The following HECW1 variants were observed in gnomAD, a reference collection of about 807,000 sequenced individuals.
HECW1 encodes E3 ubiquitin-protein ligase HECW1.
In HECW1, 61 loss-of-function variants were observed where a neutral mutation model predicts 182.3. That is an observed-to-expected ratio of 0.33 (90% CI 0.27 to 0.41). HECW1 has a LOEUF of 0.41. HECW1 is among the 10% of genes least tolerant of loss of function. The pLI is 1.00. For missense variants in HECW1, 1,739 were observed against 2,108.9 expected, an observed-to-expected ratio of 0.82 and a Z score of 3.44; for synonymous variants, 859 against 832.6, an observed-to-expected ratio of 1.03 and a Z score of -0.55.
chr7:43,533,151 G>A (rs1486207088), intron 24 of HECW1, among the ~76,000 whole-genome samples: 2 of 151,948 alleles, frequency 1.3e-5, no homozygotes, highest in Non-Finnish European at 1.5e-5. Flanking sequence ...TAGTAGGTAG[G>A]AGTCAGAGAT....
intron 26 of HECW1, among the ~76,000 whole-genome samples, chr7:43,546,902 A>G (rs1248559385): frequency 6.6e-6 from 1 of 152,098 alleles, no homozygotes; most frequent in Non-Finnish European, 1.5e-5. Flanking sequence ...TTCCTTACTA[A>G]TAAGGGACCT....
In HECW1 at chr7:43,492,175, C is replaced by T. The variant is rs1364501487; in HGVS notation, c.3335C>T (p.Pro1112Leu). 2 of 1,597,490 alleles carry T rather than the reference C, an allele frequency of 1.3e-6. No individual in the cohort carries two copies. The highest frequency in any genetic ancestry group is 1.7e-6 in the Non-Finnish European group (2 of 1,172,656). ...IRSQHQHESL[P>L]LAYNDKIVAF... ...AGCCAACATCAACATGAGTCATTGC[C>T]ACTGGGTATGTATCATGCTTGTTTG... The change falls in exon 18 of 30, where the codon CCA becomes CTA. Residue 1112 changes from proline to leucine, a missense_variant. Physicochemically the swap from Pro to Leu is moderately conservative, Grantham distance 98. Around this residue, in one of 5 missense-constraint regions of HECW1, gnomAD observed 971 missense variants for 1,029.1 expected, o/e 0.94. Coordinates refer to ENST00000395891, the MANE Select transcript of HECW1 (RefSeq NM_015052.5).
chr7:43,281,960 T>C (rs1420631141), intron 3 of HECW1, among the ~76,000 whole-genome samples: 1 of 152,178 alleles, frequency 6.6e-6, no homozygotes, highest in Non-Finnish European at 1.5e-5. Flanking sequence ...ACTCTCTCCA[T>C]GAGCCTTTTT....
At chr7:43,544,596 C>CCT (rs71011923) in intron 26 of HECW1, among the ~76,000 whole-genome samples, 12 of 151,756 alleles carry the variant, frequency 7.9e-5, no homozygotes, top group Non-Finnish European at 1.5e-4. Flanking sequence ...ACTCAGCACA[C>CCT]GTCTAGAAAT....
At chr7:43,321,254 C>T (rs1810080432) in intron 5 of HECW1, among the ~76,000 whole-genome samples, 1 of 152,140 alleles carries the variant, frequency 6.6e-6, no homozygotes, top group Non-Finnish European at 1.5e-5. Flanking sequence ...GTACTACCAG[C>T]CTGTTTCTTT....
At chr7:43,428,027 C>T (rs1235011567) in intron 8 of HECW1, among the ~76,000 whole-genome samples, 1 of 152,192 alleles carries the variant, frequency 6.6e-6, no homozygotes, top group Non-Finnish European at 1.5e-5. Context: ...AACACATTCA[C>T]AGGCCCCACC....
chr7:43,295,962 G>T (rs1472057644), intron 3 of HECW1, among the ~76,000 whole-genome samples: 1 of 152,044 alleles, frequency 6.6e-6, no homozygotes, highest in African/African-American at 2.4e-5. Flanking sequence ...TATTTTCATT[G>T]GCCCATGGTC....
At chr7:43,389,981 G>T (rs1258720640) in intron 6 of HECW1, among the ~76,000 whole-genome samples, 2 of 152,152 alleles carry the variant, frequency 1.3e-5, no homozygotes, top group African/African-American at 4.8e-5. Flanking sequence ...GCCTGAAGGA[G>T]ATGTATTCCT....
rs192067130 is a variant in HECW1, at chr7:43,564,110, T to C, written c.*2184T>C. 88 of 190,404 alleles carry C rather than the reference T, an allele frequency of 4.6e-4. No homozygotes were observed. In the East Asian group the frequency reaches 6.7e-3, roughly 14 times the overall value. 11.8% of individuals were successfully genotyped at this position (190,404 alleles called of 1,614,324 possible). ...GCATCTGAAAAATAATGGATTCCAATGGAGCTATTGTTTTATTTATGAAAT... is the reference window on the plus strand; with the variant it reads ...GCATCTGAAAAATAATGGATTCCAACGGAGCTATTGTTTTATTTATGAAAT... On this transcript the variant is annotated 3_prime_UTR_variant, in exon 30 of 30. Transcript: ENST00000395891.
At chr7:43,306,177 A>G (rs1271699735) in intron 3 of HECW1, among the ~76,000 whole-genome samples, 6 of 152,230 alleles carry the variant, frequency 3.9e-5, no homozygotes, top group African/African-American at 7.2e-5. Context: ...GATTACAGGC[A>G]TAAGCCACCA....
At chr7:43,491,851 A>G (rs544625236) in intron 17 of HECW1, among the ~76,000 whole-genome samples, 6 of 152,350 alleles carry the variant, frequency 3.9e-5, no homozygotes, top group East Asian at 1.9e-4. Flanking sequence ...AGCCTCCCCA[A>G]GTGCTAGGAT....
Position 43,331,450 on chromosome 7 carries a change from G to A in HECW1, c.460+10708G>A, listed in dbSNP as rs559557659. On this transcript the variant is annotated intron_variant, in intron 5 of 29. Coordinates refer to ENST00000395891, the MANE Select transcript of HECW1 (RefSeq NM_015052.5). ...CTAAAAAAAATACAAAAAATTAGCC[G>A]GACGTGGTGGTGGGTGCCTATAGTC... is the stretch of plus-strand genomic sequence containing the variant. Among the ~76,000 whole-genome samples the A allele has an allele frequency of 4.1e-4, 63 of 151,964 alleles. 1 individual carries two copies. Among genetic ancestry groups the A allele is most frequent in the East Asian group, 9.7e-4 (5 of 5,144 alleles).
At chr7:43,293,219 C>CAAAAAAAAAA (rs34748611) in intron 3 of HECW1, among the ~76,000 whole-genome samples, 1 of 76,554 alleles carries the variant, frequency 1.3e-5, no homozygotes, top group Non-Finnish European at 2.9e-5. Flanking sequence ...GACTATGTCT[C>CAAAAAAAAAA]AAAAAAAAAA....
chr7:43,491,252 C>T (rs1037593838), intron 17 of HECW1, among the ~76,000 whole-genome samples: 3 of 152,174 alleles, frequency 2.0e-5, no homozygotes, highest in African/African-American at 7.2e-5. Context: ...CGGTTGTAAA[C>T]CTGGGGAAAC....
chr7:43,234,040 A>G (rs1448766706), intron 2 of HECW1, among the ~76,000 whole-genome samples: 1 of 152,258 alleles, frequency 6.6e-6, no homozygotes, highest in East Asian at 1.9e-4. Flanking sequence ...TTCTCTCCAC[A>G]GTCTGCAAGA....
intron 3 of HECW1, among the ~76,000 whole-genome samples, chr7:43,268,459 C>T (rs1284982511): frequency 6.6e-6 from 1 of 152,230 alleles, no homozygotes; most frequent in Non-Finnish European, 1.5e-5. Context: ...GGACATTTGG[C>T]AATGTCTGGA....
At chr7:43,213,693 C>T (rs1270502029) in intron 2 of HECW1, among the ~76,000 whole-genome samples, 2 of 152,102 alleles carry the variant, frequency 1.3e-5, no homozygotes, top group Non-Finnish European at 2.9e-5. Context: ...GATCCACCCG[C>T]CTCAGCCTCC....
In HECW1 at chr7:43,468,933, T is replaced by C. The variant is rs1312006299; in HGVS notation, c.2927T>C (p.Val976Ala). 6.2e-7 allele frequency: 1 copy of C among 1,614,060 alleles called. No individual in the cohort carries two copies. Among genetic ancestry groups the C allele is most frequent in the Admixed American group, 1.7e-5 (1 of 60,010 alleles). The change falls in exon 16 of 30, where the codon GTC becomes GCC. Residue 976 changes from valine to alanine, a missense_variant. Around this residue, in one of 5 missense-constraint regions of HECW1, gnomAD observed 971 missense variants for 1,029.1 expected, o/e 0.94. Transcript: ENST00000395891. ...VLHANYSAYR[V>A]FTSSTCLKHM... Reference sequence around the variant, plus strand: ...GACCTGTCTCAGAGTGCCTACCGAGTCTTCACCAGTAGCACCTGCTTAAAG... The same window carrying C: ...GACCTGTCTCAGAGTGCCTACCGAGCCTTCACCAGTAGCACCTGCTTAAAG...
intron 5 of HECW1, among the ~76,000 whole-genome samples, chr7:43,347,183 A>G (rs1406157454): frequency 6.6e-6 from 1 of 152,058 alleles, no homozygotes; most frequent in Non-Finnish European, 1.5e-5. Flanking sequence ...AGTGTTTTGC[A>G]CTTTTCTTTG....
Sources: gnomAD v4.1 joint callset for allele counts (sites outside exome capture counted in the v4.1 genomes callset) on GRCh38, gnomAD v4.1.1 for gene constraint, gnomAD v4.1.1 regional missense constraint, MANE v1.5 for transcripts, NCBI Gene and HGNC (gene_info 2026-07-23, HGNC 2026-07-21) for gene names.